The following STK31 variants were observed in gnomAD, a reference collection of about 807,000 sequenced individuals.
The protein encoded by STK31 is serine/threonine kinase 31.
A neutral mutation model predicts 129.7 loss-of-function variants in STK31; 89 were observed. The observed-to-expected ratio is 0.69, with a 90% CI of 0.58 to 0.82. STK31 has a LOEUF of 0.82. STK31 is among the 40% of genes least tolerant of loss of function. STK31 has a pLI of 0.00. For missense variants in STK31, 1,187 were observed against 1,176.4 expected, an observed-to-expected ratio of 1.01 and a Z score of -0.13; for synonymous variants, 448 against 395.3, an observed-to-expected ratio of 1.13 and a Z score of -1.58.
intron 1 of STK31, chr7:23,710,887 T>C: frequency 1.3e-6 from 1 of 752,920 alleles, no homozygotes. Flanking sequence ...ATGCTTTCCG[T>C]GGGAATATAT....
intron 8 of STK31, among the ~76,000 whole-genome samples, chr7:23,743,211 C>T (rs765686827): frequency 1.4e-4 from 22 of 152,138 alleles, no homozygotes; most frequent in Non-Finnish European, 3.1e-4. Flanking sequence ...ACTTCGGCCT[C>T]CCAAAGTGCT....
chr7:23,812,772 G>T (rs1387001518), intron 22 of STK31, among the ~76,000 whole-genome samples: 1 of 152,020 alleles, frequency 6.6e-6, no homozygotes, highest in Admixed American at 6.6e-5. Context: ...GCAGTATTGG[G>T]CTTTCTGATT....
At chr7:23,736,094 AAAAT>A (rs1463082487) in intron 7 of STK31, among the ~76,000 whole-genome samples, 198 bp downstream of exon 7, 1 of 152,238 alleles carries the variant, frequency 6.6e-6, no homozygotes, top group Admixed American at 6.5e-5. Context: ...TTTTGAAAGA[AAAAT>A]AACTCCTGAA....
chr7:23,736,128 C>A (rs925327463), intron 7 of STK31, among the ~76,000 whole-genome samples: 2 of 152,148 alleles, frequency 1.3e-5, no homozygotes, highest in African/African-American at 4.8e-5. Flanking sequence ...AGTTTACATA[C>A]CAACTTTTCA....
intron 11 of STK31, among the ~76,000 whole-genome samples, chr7:23,763,647 G>T (rs1415237584): frequency 6.6e-6 from 1 of 151,950 alleles, no homozygotes; most frequent in African/African-American, 2.4e-5. Context: ...GAGGAATACT[G>T]TTCATTTTTA....
At chr7:23,815,084 C>T in intron 22 of STK31, 60 bp from the exon 23 acceptor site, 2 of 1,268,268 alleles carry the variant, frequency 1.6e-6, no homozygotes, top group Non-Finnish European at 1.1e-6. Context: ...AGAGTTGACT[C>T]TTCTATAGAT....
At chr7:23,721,212 G>A (rs533147825) in intron 4 of STK31, 2 of 365,820 alleles carry the variant, frequency 5.5e-6, no homozygotes, top group Non-Finnish European at 9.9e-6. Context: ...AATTCGCTCT[G>A]ATGAAAGAAA....
chr7:23,742,184 T>C (rs549474510), intron 8 of STK31, among the ~76,000 whole-genome samples: 3 of 152,286 alleles, frequency 2.0e-5, no homozygotes, highest in South Asian at 4.1e-4. Flanking sequence ...CAGCCCAGCA[T>C]TGAACTCAGA....
At chr7:23,822,901 C>G (rs1249942137) in intron 23 of STK31, among the ~76,000 whole-genome samples, 3 of 152,156 alleles carry the variant, frequency 2.0e-5, no homozygotes. Context: ...CCAGCTTCAT[C>G]CATGTCCCTA....
intron 15 of STK31, among the ~76,000 whole-genome samples, chr7:23,776,859 A>G (rs147323350): frequency 5.9e-4 from 90 of 152,024 alleles, no homozygotes; most frequent in African/African-American, 1.8e-3. Context: ...CTTGTCTTCT[A>G]CTAGCTTTTG....
intron 6 of STK31, among the ~76,000 whole-genome samples, chr7:23,730,880 T>TATATATATATATATATA (rs1562555173): frequency 2.5e-5 from 1 of 40,214 alleles, no homozygotes; most frequent in African/African-American, 7.5e-5. Flanking sequence ...ATATATATAT[T>TATATATATATATATATA]TTTTTTTTTT....
At chr7:23,827,535 G>T (rs923649903) in intron 23 of STK31, among the ~76,000 whole-genome samples, 1 of 151,982 alleles carries the variant, frequency 6.6e-6, no homozygotes, top group Admixed American at 6.6e-5. Context: ...TTTGCCATTG[G>T]TTCGAACTTC....
At chr7:23,779,223 G>A (rs2128107523) in intron 15 of STK31, among the ~76,000 whole-genome samples, 1 of 152,312 alleles carries the variant, frequency 6.6e-6, no homozygotes, top group East Asian at 1.9e-4. Context: ...CTTCATCCCA[G>A]AGGGGCACCT....
At chr7:23,797,601 C>T (rs1467708194) in intron 22 of STK31, among the ~76,000 whole-genome samples, 3 of 152,180 alleles carry the variant, frequency 2.0e-5, no homozygotes, top group Non-Finnish European at 4.4e-5. Flanking sequence ...CTCTGGGACA[C>T]AGCTAAAGCA....
intron 10 of STK31, among the ~76,000 whole-genome samples, chr7:23,757,076 T>C (rs1035397096): frequency 3.3e-5 from 5 of 152,138 alleles, no homozygotes; most frequent in Admixed American, 2.6e-4. Flanking sequence ...TATCAGCTGT[T>C]CTTTGTATTT....
chr7:23,745,488 C>T (rs1788294735), intron 8 of STK31, among the ~76,000 whole-genome samples: 1 of 152,190 alleles, frequency 6.6e-6, no homozygotes, highest in Non-Finnish European at 1.5e-5. Context: ...TTTGCTCTTA[C>T]ATTTGCTCCA....
intron 4 of STK31, among the ~76,000 whole-genome samples, chr7:23,720,632 T>C (rs1786637728): frequency 6.6e-6 from 1 of 152,206 alleles, no homozygotes; most frequent in Non-Finnish European, 1.5e-5. Flanking sequence ...GTATTAAGTG[T>C]ATACTTTCTA....
At chr7:23,723,383 T>C (rs571868035) in intron 4 of STK31, among the ~76,000 whole-genome samples, 3 of 152,330 alleles carry the variant, frequency 2.0e-5, no homozygotes, top group Admixed American at 6.5e-5. Context: ...AGACCCATCA[T>C]TGGAGCCAAC....
chr7:23,776,622 G>T (rs1256165918), intron 15 of STK31, among the ~76,000 whole-genome samples: 2 of 152,172 alleles, frequency 1.3e-5, no homozygotes, highest in Non-Finnish European at 2.9e-5. Flanking sequence ...TTGCATAGAG[G>T]TGTTTATTGT....
Sources: gnomAD v4.1 joint callset for allele counts (sites outside exome capture counted in the v4.1 genomes callset) on GRCh38, gnomAD v4.1.1 for gene constraint, MANE v1.5 for transcripts, NCBI Gene and HGNC (gene_info 2026-07-23, HGNC 2026-07-21) for gene names.